Variants in SUFU observed in about 807,000 individuals in gnomAD.
SUFU encodes the protein suppressor of fused homolog.
In SUFU, 7 loss-of-function variants were observed where a neutral mutation model predicts 58.9. The ratio of observed to expected loss-of-function variants is 0.12; its 90% confidence interval spans 0.07 to 0.22. The LOEUF is 0.22. Ranked by LOEUF, SUFU falls within the 10% of genes least tolerant of loss-of-function variation. SUFU has a pLI of 1.00. For missense variants in SUFU, 451 were observed against 641.3 expected, an observed-to-expected ratio of 0.70 and a Z score of 3.20; for synonymous variants, 232 against 254.8, an observed-to-expected ratio of 0.91 and a Z score of 0.85.
At position 102,517,123 on chromosome 10, in the gene SUFU, CA is replaced by C. The variant is rs758425846; in HGVS notation, c.317+7835del. 8.7e-3 allele frequency among the ~76,000 whole-genome samples: 1,053 copies of C among 121,638 alleles called. 11 individuals carry two copies. The highest frequency in any genetic ancestry group is 0.021 in the African/African-American group (679 of 32,764). 79.8% of individuals were successfully genotyped at this position (121,638 alleles called of 152,430 possible). A position where few individuals can be genotyped will look rare whatever the true frequency, so the allele number is the denominator to read the frequency against. On this transcript the variant is annotated intron_variant, in intron 2 of 11. Transcript: ENST00000369902. ...GGGCAATAAGAGTGAAACTCCATCT[CA>C]AAAAAAAAAAAAAATTAGCTGGGCA...
chr10:102,621,647 A>G (rs1176807259), intron 10 of SUFU, among the ~76,000 whole-genome samples: 2 of 152,232 alleles, frequency 1.3e-5, no homozygotes, highest in African/African-American at 4.8e-5. Context: ...CTCCACTGCC[A>G]TCGTGGGTGC....
rs575523397 is a variant in SUFU, at chr10:102,560,858, A to G, written c.454+10752A>G. Among the ~76,000 whole-genome samples, 3 of 150,886 alleles carry G rather than the reference A, an allele frequency of 2.0e-5. No homozygotes were observed. In the South Asian group the frequency reaches 6.3e-4, roughly 32 times the overall value. On this transcript the variant is annotated intron_variant, in intron 3 of 11. Transcript: ENST00000369902. ...AGTATTTCTTTTTTTTTTTGATGAG[A>G]TGGAGATTTACTCTTGTTGCCCAGG...
intron 3 of SUFU, among the ~76,000 whole-genome samples, chr10:102,566,932 G>A (rs1476598404): frequency 3.6e-5 from 5 of 137,578 alleles, no homozygotes; most frequent in Non-Finnish European, 6.2e-5. Context: ...GTGACAGAGC[G>A]ACTCCATCTC....
At chr10:102,598,873 C>G (rs971961073) in intron 7 of SUFU, among the ~76,000 whole-genome samples, 1 of 152,212 alleles carries the variant, frequency 6.6e-6, no homozygotes, top group Non-Finnish European at 1.5e-5. Flanking sequence ...AACTCTTTCA[C>G]TTCCTGGCCC....
intron 2 of SUFU, among the ~76,000 whole-genome samples, chr10:102,530,567 C>T (rs2062666069): frequency 6.6e-6 from 1 of 151,782 alleles, no homozygotes. Flanking sequence ...GGTCCTCATG[C>T]CTCAGCCTCT....
At chr10:102,597,341 C>G (rs1250690777) in intron 7 of SUFU, 48 bp downstream of exon 7, 1 of 1,593,036 alleles carries the variant, frequency 6.3e-7, no homozygotes, top group East Asian at 2.2e-5. Flanking sequence ...CTTCCTTTTC[C>G]CCAGGGCCTG....
chr10:102,506,471 C>A (rs986917992), intron 1 of SUFU, among the ~76,000 whole-genome samples: 1 of 152,118 alleles, frequency 6.6e-6, no homozygotes, highest in Non-Finnish European at 1.5e-5. Flanking sequence ...CTCTGTCTCC[C>A]GGTTTCAAGC....
chr10:102,560,977 G>T (rs1003111643), intron 3 of SUFU, among the ~76,000 whole-genome samples: 3 of 152,100 alleles, frequency 2.0e-5, no homozygotes, highest in Non-Finnish European at 4.4e-5. Flanking sequence ...CCGAGTAGCT[G>T]GGATTATAGG....
Position 102,506,386 on chromosome 10 carries a change from C to CT in SUFU, c.182+2062dup, listed in dbSNP as rs574532660. On this transcript the variant is annotated intron_variant, in intron 1 of 11. Transcript: ENST00000369902. ...GAAACAGCACAGTGACTGGTACTTT[C>CT]TTTTTTTTTTGAGACAGAGTTTTGC... Among the ~76,000 whole-genome samples the CT allele has an allele frequency of 3.1e-4, 46 of 149,432 alleles. No individual in the cohort carries two copies. The South Asian group carries it at 4.4e-3, about 14-fold the overall frequency.
At chr10:102,514,076 G>A (rs920502714) in intron 2 of SUFU, among the ~76,000 whole-genome samples, 6 of 151,456 alleles carry the variant, frequency 4.0e-5, no homozygotes, top group African/African-American at 1.5e-4. Context: ...TTGTTGACAC[G>A]AGGTCTTGCT....
chr10:102,543,167 A>G (rs1373086086), intron 2 of SUFU, among the ~76,000 whole-genome samples: 1 of 152,212 alleles, frequency 6.6e-6, no homozygotes, highest in Non-Finnish European at 1.5e-5. Context: ...ACTAATTTAT[A>G]TCCATACCGG....
intron 6 of SUFU, among the ~76,000 whole-genome samples, chr10:102,596,068 G>A (rs1042960207): frequency 6.6e-6 from 1 of 152,110 alleles, no homozygotes; most frequent in Non-Finnish European, 1.5e-5. Flanking sequence ...CTTCCTGCTC[G>A]GAACCCACAG....
chr10:102,551,873 C>T (rs574151469), intron 3 of SUFU, among the ~76,000 whole-genome samples: 24 of 150,404 alleles, frequency 1.6e-4, no homozygotes, highest in South Asian at 4.2e-4. Flanking sequence ...TACAGGTGCC[C>T]GCCACCACGC....
intron 2 of SUFU, among the ~76,000 whole-genome samples, chr10:102,519,958 GA>G (rs1255484934): frequency 6.6e-6 from 1 of 151,900 alleles, no homozygotes; most frequent in African/African-American, 2.4e-5. Context: ...TTTTAGTAGA[GA>G]GGGGGTTTCG....
Position 102,619,482 on chromosome 10 carries a change from G to C in SUFU, c.1296+2054G>C, listed in dbSNP as rs1292829924. 2 of 1,219,990 alleles carry C rather than the reference G, an allele frequency of 1.6e-6. No individual in the cohort carries two copies. Among genetic ancestry groups the C allele is most frequent in the Non-Finnish European group, 2.1e-6 (2 of 970,496 alleles). 75.6% of individuals were successfully genotyped at this position (1,219,990 alleles called of 1,614,324 possible). A position where few individuals can be genotyped will look rare whatever the true frequency, so the allele number is the denominator to read the frequency against. On this transcript the variant is annotated intron_variant, in intron 10 of 11. Coordinates refer to ENST00000369902, the MANE Select transcript of SUFU (RefSeq NM_016169.4). The surrounding 1 kb of genome is among the most constrained non-coding windows in gnomAD (Gnocchi z 4.2). ...TACTCAATCAAAGGCCTGTGTTATG[G>C]GCTCATTAGTGTGGTCCACCACGGG...
intron 2 of SUFU, among the ~76,000 whole-genome samples, chr10:102,520,335 A>C (rs1041139471): frequency 6.1e-5 from 9 of 148,722 alleles, no homozygotes; most frequent in African/African-American, 2.2e-4. Flanking sequence ...CTCCTGCCTC[A>C]GCCTCCTGAG....
chr10:102,584,023 CTG>C (rs1398391899), intron 3 of SUFU, among the ~76,000 whole-genome samples: 3 of 152,206 alleles, frequency 2.0e-5, no homozygotes, highest in African/African-American at 7.2e-5. Flanking sequence ...GCGACAAGCT[CTG>C]TGGCCAGTCC....
intron 3 of SUFU, among the ~76,000 whole-genome samples, chr10:102,588,764 T>C (rs1019687454): frequency 1.3e-5 from 2 of 152,226 alleles, no homozygotes; most frequent in Non-Finnish European, 2.9e-5. Flanking sequence ...TGGATATTTT[T>C]CCGTTTATGT....
chr10:102,623,237 G>A (rs2063757095), intron 10 of SUFU, among the ~76,000 whole-genome samples: 1 of 152,196 alleles, frequency 6.6e-6, no homozygotes, highest in East Asian at 1.9e-4. Context: ...AGTGAGTGCT[G>A]TTATCAATAT....
Sources: gnomAD v4.1 joint callset for allele counts (sites outside exome capture counted in the v4.1 genomes callset) on GRCh38, gnomAD v4.1.1 for gene constraint, Gnocchi (gnomAD v3.1) non-coding constraint, MANE v1.5 for transcripts, NCBI Gene and HGNC (gene_info 2026-07-23, HGNC 2026-07-21) for gene names.